Variants in DMRT3 observed in about 807,000 individuals in gnomAD.
The protein encoded by DMRT3 is doublesex and mab-3 related transcription factor 3.
A neutral mutation model predicts 34.9 loss-of-function variants in DMRT3; 29 were observed. The ratio of observed to expected loss-of-function variants is 0.83; its 90% CI spans 0.62 to 1.13. The LOEUF is 1.13. Ranked by LOEUF, DMRT3 falls within the 50% of genes most tolerant of loss-of-function variation. DMRT3 has a pLI of 0.00. For missense variants in DMRT3, 772 were observed against 629.1 expected (o/e 1.23, Z -2.43); for synonymous variants, 350 against 286.0 (o/e 1.22, Z -2.26).
In DMRT3 at chr9:976,922, C is replaced by G. The variant is rs1000675449; in HGVS notation, c.-80C>G. 2 of 1,350,566 alleles carry G rather than the reference C, an allele frequency of 1.5e-6. No homozygotes were observed. Among genetic ancestry groups the G allele is most frequent in the African/African-American group, 3.1e-5 (2 of 64,778 alleles). The allele number at this position is 1,350,566 out of a possible 1,614,324, so 83.7% of individuals were successfully genotyped here. On this transcript the variant is annotated 5_prime_UTR_variant, in exon 1 of 2. Transcript: ENST00000190165. The surrounding 1 kb of genome is among the most constrained non-coding windows in gnomAD (Gnocchi z 4.5). Reference sequence around the variant, plus strand: ...GCGTCGCCCGGAGGCCGCCCCTGAGCGGGCCTCGCAGCCCCGCCGTCCAGC... The same window carrying G: ...GCGTCGCCCGGAGGCCGCCCCTGAGGGGGCCTCGCAGCCCCGCCGTCCAGC...
rs977354575 is a variant in DMRT3, at chr9:976,855, C to T, written c.-147C>T. The stretch of plus-strand genomic sequence containing the variant: ...AGACGACTGCGGCACCTCCGGCCGC[C>T]CCGGAGCACACACGACCACCGGGGC... On this transcript the variant is annotated 5_prime_UTR_variant, in exon 1 of 2. Coordinates refer to ENST00000190165, the MANE Select transcript of DMRT3 (RefSeq NM_021240.4). This position sits in a 1 kb window ranked among gnomAD's most constrained non-coding sequence, Gnocchi z 4.5. 10 of 819,358 alleles carry T rather than the reference C, an allele frequency of 1.2e-5. No homozygotes were observed. Among genetic ancestry groups the T allele is most frequent in the African/African-American group, 5.4e-5 (3 of 55,206 alleles). 50.8% of individuals were successfully genotyped at this position (819,358 alleles called of 1,614,324 possible). A position where few individuals can be genotyped will look rare whatever the true frequency, so the allele number is the denominator to read the frequency against.
chr9:978,902 A>T (rs931984405), intron 1 of DMRT3, among the ~76,000 whole-genome samples: 41 of 152,218 alleles, frequency 2.7e-4, no homozygotes, highest in African/African-American at 9.9e-4. Flanking sequence ...TGGATTTGTC[A>T]CAGACGAAGA....
chr9:986,111 C>G (rs554568223), intron 1 of DMRT3, among the ~76,000 whole-genome samples: 2 of 152,156 alleles, frequency 1.3e-5, no homozygotes, highest in Non-Finnish European at 2.9e-5. Context: ...CTAGCATGTC[C>G]CAGTAGCAGG....
intron 1 of DMRT3, among the ~76,000 whole-genome samples, chr9:983,835 G>A (rs913242225): frequency 6.6e-6 from 1 of 151,752 alleles, no homozygotes; most frequent in Admixed American, 6.6e-5. Flanking sequence ...TAGTGTCAAG[G>A]AACCACTCTG....
chr9:982,260 T>G (rs1820230371), intron 1 of DMRT3, among the ~76,000 whole-genome samples: 1 of 152,140 alleles, frequency 6.6e-6, no homozygotes, highest in Non-Finnish European at 1.5e-5. Flanking sequence ...GGGACTGGCG[T>G]CAGGGAGGTG....
chr9:978,004 C>T (rs891805238), intron 1 of DMRT3, among the ~76,000 whole-genome samples: 5 of 152,188 alleles, frequency 3.3e-5, no homozygotes, highest in African/African-American at 7.2e-5. Flanking sequence ...GTATCCAACT[C>T]TCAGAACCCT....
intron 1 of DMRT3, among the ~76,000 whole-genome samples, chr9:988,684 A>C (rs1384600251): frequency 6.6e-6 from 1 of 152,162 alleles, no homozygotes; most frequent in Non-Finnish European, 1.5e-5. Flanking sequence ...CCGGCTGGCT[A>C]TCTGTATATA....
chr9:980,283 T>C (rs1242885504), intron 1 of DMRT3, among the ~76,000 whole-genome samples: 1 of 152,204 alleles, frequency 6.6e-6, no homozygotes, highest in Non-Finnish European at 1.5e-5. Context: ...CTGCTTTAGA[T>C]TCTTTAAAGG....
At position 991,180 on chromosome 9, in the gene DMRT3, T is replaced by C. The variant is rs777999723; in HGVS notation, c.*175T>C. On this transcript the variant is annotated 3_prime_UTR_variant, in exon 2 of 2. Coordinates refer to ENST00000190165, the MANE Select transcript of DMRT3 (RefSeq NM_021240.4). ...ACTTATTTAACTTCTTGCACTTCAC[T>C]GGAAAATGCCAAATAGCTCTGTTCT... The C allele has an allele frequency of 2.5e-6, 2 of 798,784 alleles. No homozygotes were observed. Among genetic ancestry groups the C allele is most frequent in the Non-Finnish European group, 3.9e-6 (2 of 518,802 alleles). 49.5% of individuals were successfully genotyped at this position (798,784 alleles called of 1,614,324 possible). A position where few individuals can be genotyped will look rare whatever the true frequency, so the allele number is the denominator to read the frequency against.
intron 1 of DMRT3, among the ~76,000 whole-genome samples, chr9:982,202 C>T (rs1243623125): frequency 2.6e-5 from 4 of 152,224 alleles, no homozygotes; most frequent in South Asian, 2.1e-4. Context: ...GCGGTGGGGT[C>T]GCCTGTGCTC....
At chr9:987,953 G>C (rs996629898) in intron 1 of DMRT3, among the ~76,000 whole-genome samples, 1 of 152,052 alleles carries the variant, frequency 6.6e-6, no homozygotes, top group African/African-American at 2.4e-5. Context: ...AGTATGTATG[G>C]GTCATGAGTC....
chr9:983,413 G>T (rs1434089052), intron 1 of DMRT3, among the ~76,000 whole-genome samples: 1 of 152,150 alleles, frequency 6.6e-6, no homozygotes, highest in Non-Finnish European at 1.5e-5. Flanking sequence ...ACCATGGTCT[G>T]CCCAGCTGCT....
At position 976,904 on chromosome 9, in the gene DMRT3, C is replaced by T. The variant is rs1820154359; in HGVS notation, c.-98C>T. On this transcript the variant is annotated 5_prime_UTR_variant, in exon 1 of 2. Coordinates refer to ENST00000190165, the MANE Select transcript of DMRT3 (RefSeq NM_021240.4). The surrounding 1 kb of genome is among the most constrained non-coding windows in gnomAD (Gnocchi z 4.5). ...GCTGCGGGACCAAGGGCCGCGTCGC[C>T]CGGAGGCCGCCCCTGAGCGGGCCTC... 2 of 1,305,754 alleles carry T rather than the reference C, an allele frequency of 1.5e-6. No individual in the cohort carries two copies. The highest frequency in any genetic ancestry group is 2.0e-6 in the Non-Finnish European group (2 of 1,014,816). The allele number at this position is 1,305,754 out of a possible 1,614,324, so 80.9% of individuals were successfully genotyped here.
At chr9:978,176 C>A (rs1464028578) in intron 1 of DMRT3, among the ~76,000 whole-genome samples, 1 of 152,156 alleles carries the variant, frequency 6.6e-6, no homozygotes, top group Non-Finnish European at 1.5e-5. Flanking sequence ...CTCCTAGATC[C>A]TTTAACACTG....
At chr9:979,357 G>A (rs577220584) in intron 1 of DMRT3, among the ~76,000 whole-genome samples, 17 of 152,258 alleles carry the variant, frequency 1.1e-4, no homozygotes, top group South Asian at 1.0e-3. Context: ...ACAAAGCAGA[G>A]CTGTGCTGTT....
Position 977,247 on chromosome 9 carries a change from C to T in DMRT3, c.246C>T (p.Ser82=), listed in dbSNP as rs762634622. The change falls in exon 1 of 2, where the codon AGC becomes AGT. Residue 82 remains serine (S), a synonymous_variant. Transcript: ENST00000190165. ...VALRRQQANE[S]LESLIPDSLR... ...TGCGCCGGCAGCAGGCCAACGAGAGCTTGGAGAGCCTCATCCCCGACTCGC... is the reference window on the plus strand; with the variant it reads ...TGCGCCGGCAGCAGGCCAACGAGAGTTTGGAGAGCCTCATCCCCGACTCGC... 144 of 1,591,332 alleles carry T rather than the reference C, an allele frequency of 9.0e-5. 6 individuals carry two copies. The South Asian group carries it at 1.5e-3, about 17-fold the overall frequency.
At chr9:981,097 G>A (rs1260910517) in intron 1 of DMRT3, among the ~76,000 whole-genome samples, 2 of 152,122 alleles carry the variant, frequency 1.3e-5, no homozygotes, top group Non-Finnish European at 2.9e-5. Flanking sequence ...ATTTCTTAGG[G>A]GGTGGGGGCG....
Position 991,343 on chromosome 9 carries a change from T to G in DMRT3, c.*338T>G. The G allele has an allele frequency of 5.1e-6, 1 of 194,784 alleles. No individual in the cohort carries two copies. Among genetic ancestry groups the G allele is most frequent in the East Asian group, 1.3e-4 (1 of 7,700 alleles). 12.1% of individuals were successfully genotyped at this position (194,784 alleles called of 1,614,324 possible). The stretch of plus-strand genomic sequence containing the variant: ...TTGCACCTAAACCCAACCTGGAATG[T>G]TAAATGAAATAATATACTTGAATGC... On this transcript the variant is annotated 3_prime_UTR_variant, in exon 2 of 2. Transcript: ENST00000190165.
chr9:977,579 T>G, intron 1 of DMRT3, 124 bp downstream of exon 1: 2 of 942,120 alleles, frequency 2.1e-6, no homozygotes. Context: ...GGGCTTTCCT[T>G]CCTACTCTCC....
Sources: gnomAD v4.1 joint callset for allele counts (sites outside exome capture counted in the v4.1 genomes callset) on GRCh38, gnomAD v4.1.1 for gene constraint, Gnocchi (gnomAD v3.1) non-coding constraint, MANE v1.5 for transcripts, NCBI Gene and HGNC (gene_info 2026-07-23, HGNC 2026-07-21) for gene names.